ADAM9: variants seen among roughly 807,000 people sequenced by gnomAD.
ADAM9 encodes disintegrin and metalloproteinase domain-containing protein 9.
A neutral mutation model predicts 108.1 loss-of-function variants in ADAM9; 54 were observed. The ratio of observed to expected loss-of-function variants is 0.50; its 90% CI spans 0.40 to 0.63. ADAM9 has a LOEUF of 0.63. Ranked by LOEUF, ADAM9 falls within the 20% of genes least tolerant of loss-of-function variation. The pLI is 0.00. For missense variants in ADAM9, 830 were observed against 997.7 expected (o/e 0.83, Z 2.26); for synonymous variants, 316 against 336.0 (o/e 0.94, Z 0.65).
intron 16 of ADAM9, among the ~76,000 whole-genome samples, chr8:39,080,027 G>C (rs1319060178): frequency 6.6e-6 from 1 of 151,880 alleles, no homozygotes; most frequent in Non-Finnish European, 1.5e-5. Context: ...CTATTTCTCT[G>C]ATCTTATTGC....
At chr8:39,021,374 C>T (rs1220996374) in intron 7 of ADAM9, among the ~76,000 whole-genome samples, 1 of 152,128 alleles carries the variant, frequency 6.6e-6, no homozygotes, top group East Asian at 1.9e-4. Context: ...CTTCCACCCC[C>T]ACGGGTTCAA....
At chr8:39,011,546 A>G (rs1836355149) in intron 2 of ADAM9, 112 bp from the exon 3 acceptor site, 1 of 963,624 alleles carries the variant, frequency 1.0e-6, no homozygotes, top group Non-Finnish European at 1.6e-6. Context: ...AGTTCAGCCA[A>G]TACCAAATTA....
In ADAM9 at chr8:39,022,064, T is replaced by TTGTG. The variant is rs552684363; in HGVS notation, c.744+381_744+384dup. On this transcript the variant is annotated intron_variant, in intron 8 of 21. Coordinates refer to ENST00000487273, the MANE Select transcript of ADAM9 (RefSeq NM_003816.3). ...CCCTGAAAACATGATATGACAATAT[T>TTGTG]TGTGTGTGTGTGTGTGTGTGTGTGT... Among the ~76,000 whole-genome samples the TTGTG allele has an allele frequency of 6.8e-3, 957 of 141,550 alleles. 10 individuals are homozygous for TTGTG. The highest frequency in any genetic ancestry group is 0.018 in the African/African-American group (671 of 38,290). 92.9% of individuals were successfully genotyped at this position (141,550 alleles called of 152,430 possible).
At chr8:39,033,221 T>C (rs1401185228) in intron 11 of ADAM9, among the ~76,000 whole-genome samples, 1 of 152,228 alleles carries the variant, frequency 6.6e-6, no homozygotes, top group African/African-American at 2.4e-5. Context: ...ATTCTACTTG[T>C]TCATTGCTGG....
intron 7 of ADAM9, among the ~76,000 whole-genome samples, chr8:39,021,330 T>C (rs1836731647): frequency 1.3e-5 from 2 of 152,188 alleles, no homozygotes; most frequent in Admixed American, 6.5e-5. Flanking sequence ...TCTCCCAGAC[T>C]GGAGTGAAAT....
At chr8:39,000,659 A>G (rs113250392) in intron 1 of ADAM9, among the ~76,000 whole-genome samples, 137 of 151,342 alleles carry the variant, frequency 9.1e-4, no homozygotes, top group African/African-American at 3.2e-3. Flanking sequence ...TGGAGAGGCA[A>G]TCTTGCTCTG....
rs546586173 is a variant in ADAM9 at position 38,998,738 on chromosome 8, A to G, written c.97+1578A>G. Among the ~76,000 whole-genome samples the G allele has an allele frequency of 1.2e-4, 19 of 152,334 alleles. No individual in the cohort carries two copies. The South Asian group carries it at 2.3e-3, about 18-fold the overall frequency. On this transcript the variant is annotated intron_variant, in intron 1 of 21. Transcript: ENST00000487273. ...AGAATAGTAGATACATTCTAAGCAG[A>G]GGAAAGTTTTTGCAAGAGTATGGTG...
chr8:39,071,968 TAAG>T (rs2129441452), intron 15 of ADAM9, among the ~76,000 whole-genome samples: 1 of 152,298 alleles, frequency 6.6e-6, no homozygotes, highest in East Asian at 1.9e-4. Flanking sequence ...TGATTTATAA[TAAG>T]AACCCCAACT....
chr8:39,054,628 C>G, intron 13 of ADAM9, 55 bp downstream of exon 13: 7 of 1,192,814 alleles, frequency 5.9e-6, no homozygotes, highest in Non-Finnish European at 8.2e-6. Flanking sequence ...AAAAAGAAAA[C>G]CTGTGTATAT....
intron 14 of ADAM9, among the ~76,000 whole-genome samples, chr8:39,063,891 C>A (rs1838374982): frequency 6.6e-6 from 1 of 152,134 alleles, no homozygotes. Flanking sequence ...TGCTTTCAGC[C>A]AGTCACAGGA....
chr8:39,033,999 G>GACAACT (rs1554577084), intron 11 of ADAM9, among the ~76,000 whole-genome samples: 2 of 152,046 alleles, frequency 1.3e-5, no homozygotes, highest in African/African-American at 4.8e-5. Flanking sequence ...AAAATGGGAC[G>GACAACT]ACAACAACAA....
At chr8:39,076,658 C>T (rs1838858299) in intron 15 of ADAM9, among the ~76,000 whole-genome samples, 1 of 152,144 alleles carries the variant, frequency 6.6e-6, no homozygotes, top group Admixed American at 6.6e-5. Context: ...GCATTTAATT[C>T]ACACAGCCTT....
In ADAM9 at chr8:39,087,640, TAATA is replaced by T. The variant is rs1839217069; in HGVS notation, c.2069-2403_2069-2400del. Among the ~76,000 whole-genome samples the T allele has an allele frequency of 2.0e-5, 3 of 152,362 alleles. No individual in the cohort carries two copies. In the South Asian group the frequency reaches 6.2e-4, roughly 32 times the overall value. ...TGGTTCTTTTAGGAGTAAAAATTCC[TAATA>T]AATGATACATTTGTGTAATGCCACT... is the stretch of plus-strand genomic sequence containing the variant. On this transcript the variant is annotated intron_variant, in intron 18 of 21. Coordinates refer to ENST00000487273, the MANE Select transcript of ADAM9 (RefSeq NM_003816.3).
At chr8:39,012,940 GATA>G (rs553204047) in intron 3 of ADAM9, among the ~76,000 whole-genome samples, 54 of 152,024 alleles carry the variant, frequency 3.6e-4, no homozygotes, top group African/African-American at 1.2e-3. Flanking sequence ...GAACTTAAAG[GATA>G]ATAATAATAA....
intron 2 of ADAM9, among the ~76,000 whole-genome samples, chr8:39,009,977 A>T (rs1009830940): frequency 2.7e-5 from 3 of 111,708 alleles, no homozygotes; most frequent in East Asian, 5.5e-4. Flanking sequence ...CCCCCCCCCA[A>T]ACCAAAAATG....
At position 39,103,336 on chromosome 8, in the gene ADAM9, C is replaced by CT. The variant is rs35241680; in HGVS notation, c.2367-258dup. On this transcript the variant is annotated intron_variant, in intron 21 of 21. Transcript: ENST00000487273. ...CAGTTTATCTTTACCATTTCATGTG[C>CT]TTTTTTTTTTTTTGAAAAAACATGT... Among the ~76,000 whole-genome samples the CT allele has an allele frequency of 3.0e-3, 425 of 142,768 alleles. 3 individuals are homozygous for CT. The highest frequency in any genetic ancestry group is 0.028 in the East Asian group (138 of 4,954). The allele number at this position is 142,768 out of a possible 152,430, so 93.7% of individuals were successfully genotyped here.
intron 1 of ADAM9, among the ~76,000 whole-genome samples, chr8:39,001,104 T>A (rs1043261664): frequency 6.6e-6 from 1 of 152,178 alleles, no homozygotes. Context: ...ATCAGTCTTA[T>A]TGAAAGGCTG....
At position 39,007,995 on chromosome 8, in the gene ADAM9, T is replaced by C; in HGVS notation, c.195+12T>C. 1.3e-6 allele frequency: 2 copies of C among 1,563,182 alleles called. No individual in the cohort carries two copies. The highest frequency in any genetic ancestry group is 1.8e-6 in the Non-Finnish European group (2 of 1,136,288). ...CCTATTCAAAACAAGTAAGTTATAA[T>C]TGTTGAGAAATAATATGTGGTTAAT... On this transcript the variant is annotated intron_variant, in intron 2 of 21. Coordinates refer to ENST00000487273, the MANE Select transcript of ADAM9 (RefSeq NM_003816.3).
chr8:39,066,486 G>A (rs147178441), intron 14 of ADAM9, among the ~76,000 whole-genome samples: 4,673 of 152,230 alleles, frequency 0.031, 99 homozygotes, highest in Non-Finnish European at 0.047. Context: ...TTTGATTTGC[G>A]TTTGTCTGAT....
Sources: gnomAD v4.1 joint callset for allele counts (sites outside exome capture counted in the v4.1 genomes callset) on GRCh38, gnomAD v4.1.1 for gene constraint, MANE v1.5 for transcripts, NCBI Gene and HGNC (gene_info 2026-07-23, HGNC 2026-07-21) for gene names.